CEMIP: variants seen among roughly 807,000 people sequenced by gnomAD.
CEMIP encodes cell migration inducing hyaluronidase 1.
A neutral mutation model predicts 156.9 loss-of-function variants in CEMIP; 105 were observed. The observed-to-expected ratio is 0.67, with a 90% CI of 0.57 to 0.79. The LOEUF (loss-of-function observed/expected upper bound fraction) is 0.79. Ranked by LOEUF, CEMIP falls within the 30% of genes least tolerant of loss-of-function variation. The pLI, the probability that CEMIP is intolerant of heterozygous loss-of-function variation, is 0.00. For synonymous variants in CEMIP, 676 were observed against 668.4 expected (o/e 1.01, Z -0.17); for missense variants, 1,457 against 1,769.4 (o/e 0.82, Z 3.17).
intron 1 of CEMIP, among the ~76,000 whole-genome samples, chr15:80,841,711 G>T (rs566126323): frequency 6.6e-6 from 1 of 152,170 alleles, no homozygotes; most frequent in Admixed American, 6.5e-5. Flanking sequence ...CCTCCAGGGG[G>T]TGTTGGCCAA....
chr15:80,887,559 T>C, intron 7 of CEMIP, 135 bp from the exon 8 acceptor site: 2 of 712,694 alleles, frequency 2.8e-6, no homozygotes, highest in South Asian at 1.5e-5. Context: ...AGCAAGTGAA[T>C]GAATTTCCCC....
chr15:80,902,979 G>A (rs1899635776), intron 12 of CEMIP: 1 of 152,180 alleles, frequency 6.6e-6, no homozygotes, highest in African/African-American at 2.4e-5. Flanking sequence ...TATAGATGAA[G>A]AGCCTGAGGT....
intron 1 of CEMIP, among the ~76,000 whole-genome samples, chr15:80,824,285 C>T (rs1322709978): frequency 2.6e-5 from 4 of 152,210 alleles, no homozygotes; most frequent in African/African-American, 4.8e-5. Flanking sequence ...ACAGCTGCAG[C>T]TCCCCCACCC....
At chr15:80,927,282 T>C (rs986322806) in intron 19 of CEMIP, among the ~76,000 whole-genome samples, 17 of 152,284 alleles carry the variant, frequency 1.1e-4, no homozygotes, top group African/African-American at 3.9e-4. Context: ...GTGATAGGCA[T>C]GAAGCAGGTT....
intron 12 of CEMIP, among the ~76,000 whole-genome samples, chr15:80,898,943 G>C (rs183265263): frequency 2.6e-5 from 4 of 152,140 alleles, no homozygotes; most frequent in Non-Finnish European, 5.9e-5. Flanking sequence ...GGCCGGGCGC[G>C]GTGGCTCACG....
intron 1 of CEMIP, among the ~76,000 whole-genome samples, chr15:80,804,515 C>T (rs1218042435): frequency 1.3e-5 from 2 of 152,020 alleles, no homozygotes; most frequent in Admixed American, 6.5e-5. Flanking sequence ...GTTCCTCTAC[C>T]TGAGAAACAA....
intron 1 of CEMIP, among the ~76,000 whole-genome samples, chr15:80,824,885 C>T (rs1896995361): frequency 6.6e-6 from 1 of 152,210 alleles, no homozygotes. Flanking sequence ...TTTTCTCCAG[C>T]TCAGAAAGTG....
intron 1 of CEMIP, among the ~76,000 whole-genome samples, chr15:80,788,853 C>A (rs1567047778): frequency 6.6e-6 from 1 of 151,686 alleles, no homozygotes; most frequent in African/African-American, 2.4e-5. Flanking sequence ...CCAGACGACT[C>A]TAAAGCTTTA....
chr15:80,884,120 C>G, intron 6 of CEMIP, 55 bp from the exon 7 acceptor site: 1 of 1,574,596 alleles, frequency 6.4e-7, no homozygotes, highest in Non-Finnish European at 8.7e-7. Flanking sequence ...GCTTAGAGCT[C>G]TTTGTTTTGG....
At chr15:80,876,049 G>A (rs545277560) in intron 3 of CEMIP, among the ~76,000 whole-genome samples, 3 of 152,334 alleles carry the variant, frequency 2.0e-5, no homozygotes, top group East Asian at 1.9e-4. Context: ...TGGCAGATGC[G>A]GACTACGAGG....
chr15:80,785,336 C>T (rs879325433), intron 1 of CEMIP, among the ~76,000 whole-genome samples: 2 of 152,190 alleles, frequency 1.3e-5, no homozygotes, highest in Admixed American at 1.3e-4. Context: ...AATTATCTTC[C>T]TCAACCCCCT....
chr15:80,937,700 T>G, intron 24 of CEMIP, 94 bp from the exon 25 acceptor site: 15 of 1,131,862 alleles, frequency 1.3e-5, no homozygotes, highest in Non-Finnish European at 1.9e-5. Flanking sequence ...TGTCATTTGG[T>G]GGAGATTTTT....
At chr15:80,901,271 G>A (rs1262837760) in intron 12 of CEMIP, among the ~76,000 whole-genome samples, 1 of 152,004 alleles carries the variant, frequency 6.6e-6, no homozygotes, top group East Asian at 1.9e-4. Flanking sequence ...ATACAGTAGG[G>A]GCTACTGTTT....
At chr15:80,829,229 A>T (rs1897102537) in intron 1 of CEMIP, among the ~76,000 whole-genome samples, 1 of 152,096 alleles carries the variant, frequency 6.6e-6, no homozygotes, top group Non-Finnish European at 1.5e-5. Flanking sequence ...CAGGACTTAG[A>T]GGTTGAGGGG....
intron 1 of CEMIP, among the ~76,000 whole-genome samples, chr15:80,870,204 G>C (rs140288991): frequency 4.6e-5 from 7 of 152,038 alleles, no homozygotes; most frequent in African/African-American, 1.7e-4. Context: ...CCTTGCCTAG[G>C]TTTGCCTAAA....
At chr15:80,890,357 T>C (rs947354888) in intron 10 of CEMIP, among the ~76,000 whole-genome samples, 2 of 150,972 alleles carry the variant, frequency 1.3e-5, no homozygotes, top group Admixed American at 6.6e-5. Context: ...GGTGGGCAGA[T>C]CACTTGAGGT....
intron 7 of CEMIP, among the ~76,000 whole-genome samples, chr15:80,886,914 G>C (rs1195564652): frequency 1.3e-5 from 2 of 152,116 alleles, no homozygotes; most frequent in East Asian, 3.9e-4. Flanking sequence ...CTCACATAAG[G>C]GTCTTAGACC....
chr15:80,838,143 G>C (rs1897305758), intron 1 of CEMIP, among the ~76,000 whole-genome samples: 1 of 152,224 alleles, frequency 6.6e-6, no homozygotes. Context: ...GGGAATTCCA[G>C]GCAGAGTAGG....
intron 17 of CEMIP, among the ~76,000 whole-genome samples, chr15:80,923,854 G>T (rs1464985585): frequency 6.6e-6 from 1 of 152,164 alleles, no homozygotes; most frequent in Non-Finnish European, 1.5e-5. Context: ...GAAGGGACTT[G>T]CCCAGTCATA....
Sources: allele counts gnomAD v4.1 joint callset (sites outside exome capture counted in the v4.1 genomes callset), GRCh38; gene constraint gnomAD v4.1.1; transcripts MANE v1.5; gene names NCBI Gene and HGNC (gene_info 2026-07-23, HGNC 2026-07-21).